Variants in EXOC6B observed in about 807,000 individuals in gnomAD.
EXOC6B encodes the protein exocyst complex component 6B.
In EXOC6B, 54 loss-of-function variants were observed where a neutral mutation model predicts 113.5. The ratio of observed to expected loss-of-function variants is 0.48; its 90% CI spans 0.38 to 0.60. EXOC6B has a LOEUF of 0.60. Among genes scored for constraint, EXOC6B ranks in the 20% least tolerant of loss-of-function variants. The probability of loss-of-function intolerance (pLI) is 0.00; values close to 1 mark genes in which losing one functional copy is unlikely to be tolerated. For synonymous variants in EXOC6B, 357 were observed against 339.0 expected (o/e 1.05, Z -0.58); for missense variants, 797 against 977.5 (o/e 0.82, Z 2.46).
chr2:72,469,892 T>C (rs2105440243), intron 17 of EXOC6B, among the ~76,000 whole-genome samples: 1 of 152,292 alleles, frequency 6.6e-6, no homozygotes, highest in Middle Eastern at 3.4e-3. Flanking sequence ...AATAAGATTT[T>C]AGTATCTTTC....
chr2:72,431,322 T>C (rs1695504872), intron 18 of EXOC6B, among the ~76,000 whole-genome samples: 1 of 152,174 alleles, frequency 6.6e-6, no homozygotes, highest in Non-Finnish European at 1.5e-5. Flanking sequence ...TTATTTTTAT[T>C]TTTTTAGAGA....
intron 18 of EXOC6B, among the ~76,000 whole-genome samples, chr2:72,441,346 AG>A (rs896467285): frequency 6.6e-6 from 1 of 152,170 alleles, no homozygotes; most frequent in African/African-American, 2.4e-5. Context: ...TAGAGAACCA[AG>A]AGCAAACAAA....
At chr2:72,510,277 T>C (rs1030240370) in intron 11 of EXOC6B, among the ~76,000 whole-genome samples, 8 of 152,116 alleles carry the variant, frequency 5.3e-5, no homozygotes, top group African/African-American at 1.7e-4. Flanking sequence ...GCTCAGAGTG[T>C]TAAATAGTTC....
chr2:72,305,057 T>G (rs1418446088), intron 20 of EXOC6B, among the ~76,000 whole-genome samples: 1 of 152,204 alleles, frequency 6.6e-6, no homozygotes, highest in Non-Finnish European at 1.5e-5. Flanking sequence ...TCACATTTAT[T>G]AAATATTCAC....
At chr2:72,688,474 A>C (rs1016423759) in intron 6 of EXOC6B, among the ~76,000 whole-genome samples, 4 of 152,158 alleles carry the variant, frequency 2.6e-5, no homozygotes, top group African/African-American at 9.7e-5. Flanking sequence ...CCTGGTGGGC[A>C]AGGAAGCTGA....
intron 20 of EXOC6B, among the ~76,000 whole-genome samples, chr2:72,311,441 A>G (rs1687178804): frequency 6.6e-6 from 1 of 151,994 alleles, no homozygotes; most frequent in African/African-American, 2.4e-5. Context: ...TCCATCTTCA[A>G]AACCAGCAGG....
intron 8 of EXOC6B, among the ~76,000 whole-genome samples, chr2:72,559,211 T>C (rs754745868): frequency 8.6e-4 from 131 of 152,226 alleles, no homozygotes; most frequent in Non-Finnish European, 1.6e-3. Flanking sequence ...GAAATCTGGA[T>C]GTATGACTAT....
chr2:72,595,302 T>G (rs1239958414), intron 6 of EXOC6B, among the ~76,000 whole-genome samples: 1 of 147,362 alleles, frequency 6.8e-6, no homozygotes, highest in Admixed American at 6.8e-5. Context: ...TATCTATATA[T>G]ATATATGACA....
intron 1 of EXOC6B, among the ~76,000 whole-genome samples, chr2:72,763,304 C>T (rs1682852858): frequency 6.6e-6 from 1 of 152,048 alleles, no homozygotes; most frequent in East Asian, 1.9e-4. Context: ...CTATTGTTGT[C>T]ATTCCTTTGT....
chr2:72,578,801 AAGC>A (rs1558813317), intron 6 of EXOC6B, among the ~76,000 whole-genome samples: 1 of 152,186 alleles, frequency 6.6e-6, no homozygotes. Context: ...CAGAAGAATG[AAGC>A]AGCAGGAGAA....
intron 20 of EXOC6B, among the ~76,000 whole-genome samples, chr2:72,190,355 G>T (rs375053731): frequency 3.4e-4 from 51 of 151,956 alleles, no homozygotes; most frequent in African/African-American, 1.2e-3. Flanking sequence ...CAATATGGTT[G>T]TGTTTTTCTT....
chr2:72,532,588 T>C (rs1702065789), intron 8 of EXOC6B, among the ~76,000 whole-genome samples: 1 of 152,012 alleles, frequency 6.6e-6, no homozygotes, highest in Non-Finnish European at 1.5e-5. Context: ...GGCGGGCGGA[T>C]CACCAGGTCA....
intron 12 of EXOC6B, among the ~76,000 whole-genome samples, chr2:72,499,122 T>C (rs1394914054): frequency 6.6e-6 from 1 of 151,980 alleles, no homozygotes; most frequent in Non-Finnish European, 1.5e-5. Flanking sequence ...ACATAATGGC[T>C]CAGGGTAAAG....
chr2:72,813,757 TC>T (rs1686055109), intron 1 of EXOC6B, among the ~76,000 whole-genome samples: 2 of 152,338 alleles, frequency 1.3e-5, no homozygotes, highest in South Asian at 4.1e-4. Flanking sequence ...ACATTTCATA[TC>T]AATATCTTTA....
At chr2:72,357,882 A>G (rs1690065150) in intron 19 of EXOC6B, among the ~76,000 whole-genome samples, 1 of 152,146 alleles carries the variant, frequency 6.6e-6, no homozygotes, top group African/African-American at 2.4e-5. Flanking sequence ...CTGGGTATGT[A>G]GCAGGCTATA....
chr2:72,234,365 G>A (rs1445658422), intron 20 of EXOC6B, among the ~76,000 whole-genome samples: 10 of 152,100 alleles, frequency 6.6e-5, no homozygotes, highest in Non-Finnish European at 1.3e-4. Context: ...TTACAGGTGT[G>A]AGGCACTGCG....
At chr2:72,289,005 T>C in intron 20 of EXOC6B, 1 of 260,784 alleles carries the variant, frequency 3.8e-6, no homozygotes, top group Non-Finnish European at 7.5e-6. Context: ...GGCAGAATAA[T>C]AATCCCGCCA....
chr2:72,186,847 G>A (rs887978486), intron 20 of EXOC6B, among the ~76,000 whole-genome samples: 2 of 152,182 alleles, frequency 1.3e-5, no homozygotes, highest in Non-Finnish European at 2.9e-5. Flanking sequence ...TGGCTTAGCT[G>A]TAAGTTATGG....
intron 20 of EXOC6B, among the ~76,000 whole-genome samples, chr2:72,245,277 AACAG>A (rs1165468428): frequency 5.3e-5 from 8 of 152,238 alleles, no homozygotes; most frequent in Non-Finnish European, 1.5e-5. Context: ...TTGGGAAAAG[AACAG>A]ACAAAGAGAT....
Sources: gnomAD v4.1 joint callset for allele counts (sites outside exome capture counted in the v4.1 genomes callset) on GRCh38, gnomAD v4.1.1 for gene constraint, MANE v1.5 for transcripts, NCBI Gene and HGNC (gene_info 2026-07-23, HGNC 2026-07-21) for gene names.